Variants in VNN1 observed in about 807,000 individuals in gnomAD.
VNN1 encodes the protein vanin 1.
Under a neutral mutation model 41.9 loss-of-function variants are expected in VNN1, and 29 were observed. The ratio of observed to expected loss-of-function variants is 0.69; its 90% CI spans 0.52 to 0.94. VNN1 has a LOEUF of 0.94. Ranked by LOEUF, VNN1 falls within the 40% of genes least tolerant of loss-of-function variation. The pLI is 0.00. For synonymous variants in VNN1, 233 were observed against 224.4 expected, an observed-to-expected ratio of 1.04 and a Z score of -0.34; for missense variants, 637 against 621.1, an observed-to-expected ratio of 1.03 and a Z score of -0.27.
At position 132,692,412 on chromosome 6, in the gene VNN1, A is replaced by G; in HGVS notation, c.999T>C (p.Phe333=). The part of the protein sequence containing the change: ...IEALSSGNKE[F]KGTVFFDEFT... ...ATTCATCGAAAAAGACAGTGCCTTT[A>G]AATTCCTTGTTTCCTGATGAGAGCG... Residue 333 remains phenylalanine (F), a synonymous_variant, in exon 5 of 7, where the codon TTT becomes TTC. Transcript: ENST00000367928. 6.2e-7 allele frequency: 1 copy of G among 1,614,190 alleles called. No individual in the cohort carries two copies. Among genetic ancestry groups the G allele is most frequent in the Non-Finnish European group, 8.5e-7 (1 of 1,180,028 alleles).
In VNN1 at chr6:132,694,166, C is replaced by T. The variant is rs753812052; in HGVS notation, c.358G>A (p.Val120Ile). Reference sequence around the variant, plus strand: ...GCCAGGCAGCTGAGTCTTTCTTGTACTGGGGTCTGGCCAAATCTGATACAT... The same window carrying T: ...GCCAGGCAGCTGAGTCTTTCTTGTATTGGGGTCTGGCCAAATCTGATACAT... Reference protein sequence around the residue: ...NNRNRFGQTPVQERLSCLAKN... With the variant: ...NNRNRFGQTPIQERLSCLAKN... Residue 120 changes from valine to isoleucine, a missense_variant, in exon 3 of 7, where the codon GTA becomes ATA. Physicochemically the swap from Val to Ile is conservative, Grantham distance 29 (BLOSUM62 3). Transcript: ENST00000367928. The T allele has an allele frequency of 6.2e-7, 1 of 1,606,110 alleles. No individual in the cohort carries two copies. The highest frequency in any genetic ancestry group is 8.5e-7 in the Non-Finnish European group (1 of 1,176,244).
chr6:132,692,955 A>T, intron 4 of VNN1, 69 bp downstream of exon 4: 1 of 1,481,852 alleles, frequency 6.7e-7, no homozygotes, highest in Non-Finnish European at 9.0e-7. Flanking sequence ...GTTAGCTAGA[A>T]AAACATGTTT....
At chr6:132,702,034 A>C (rs2038138377) in intron 2 of VNN1, among the ~76,000 whole-genome samples, 1 of 152,240 alleles carries the variant, frequency 6.6e-6, no homozygotes, top group Non-Finnish European at 1.5e-5. Flanking sequence ...CCAATGTGGG[A>C]TAAAGTTCTC....
At position 132,692,881 on chromosome 6, in the gene VNN1, T is replaced by C. The variant is rs955540604; in HGVS notation, c.826+143A>G. 3.8e-6 allele frequency: 4 copies of C among 1,040,396 alleles called. No homozygotes were observed. In the African/African-American group the frequency reaches 4.9e-5, roughly 13 times the overall value. The allele number at this position is 1,040,396 out of a possible 1,614,324, so 64.4% of individuals were successfully genotyped here. A position where few individuals can be genotyped will look rare whatever the true frequency, so the allele number is the denominator to read the frequency against. ...ACAATTTAGACTGAGATTGATTCTATAGCATATTAACAGCTAGATGTTCAA... is the reference window on the plus strand; with the variant it reads ...ACAATTTAGACTGAGATTGATTCTACAGCATATTAACAGCTAGATGTTCAA... On this transcript the variant is annotated intron_variant, in intron 4 of 6. Coordinates refer to ENST00000367928, the MANE Select transcript of VNN1 (RefSeq NM_004666.3).
In VNN1 at chr6:132,681,350, T is replaced by C. The variant is rs1281263635; in HGVS notation, c.*1790A>G. Among the ~76,000 whole-genome samples, 6 of 152,078 alleles carry C rather than the reference T, an allele frequency of 3.9e-5. No individual in the cohort carries two copies. The highest frequency in any genetic ancestry group is 1.4e-4 in the African/African-American group (6 of 41,398). Reference sequence around the variant, plus strand: ...GCCGTGAGTGAGCTGAGAAGCAGATTTTCTCCAGCCCCACCCGAGCCTTGA... The same window carrying C: ...GCCGTGAGTGAGCTGAGAAGCAGATCTTCTCCAGCCCCACCCGAGCCTTGA... On this transcript the variant is annotated 3_prime_UTR_variant, in exon 7 of 7. Transcript: ENST00000367928.
At chr6:132,683,396 T>C (rs1159417748) in intron 6 of VNN1, 74 bp from the exon 7 acceptor site, 1 of 1,433,406 alleles carries the variant, frequency 7.0e-7, no homozygotes, top group Non-Finnish European at 9.4e-7. Context: ...TAAAATTTAC[T>C]ATAACAGAAT....
intron 5 of VNN1, among the ~76,000 whole-genome samples, chr6:132,686,492 G>A (rs1415663126): frequency 6.6e-6 from 1 of 152,144 alleles, no homozygotes; most frequent in Non-Finnish European, 1.5e-5. Flanking sequence ...TGGAGATCCT[G>A]TATTTTTATT....
chr6:132,687,438 C>G (rs1255168282), intron 5 of VNN1, among the ~76,000 whole-genome samples: 1 of 152,068 alleles, frequency 6.6e-6, no homozygotes, highest in African/African-American at 2.4e-5. Context: ...ACAGGAAATC[C>G]ACACAGGGAA....
At position 132,694,063 on chromosome 6, in the gene VNN1, G is replaced by A. The variant is rs771856246; in HGVS notation, c.461C>T (p.Pro154Leu). The change falls in exon 3 of 7, where the codon CCT becomes CTT. Residue 154 changes from proline (P) to leucine (L), a missense_variant. Transcript: ENST00000367928. ...PCDTSDPQCP[P>L]DGRYQYNTDV... ...AGTGTTGTATTGGTAACGGCCATCA[G>A]GGGGACACTGAGGATCACTGGTATC... 5 of 1,614,140 alleles carry A rather than the reference G, an allele frequency of 3.1e-6. No homozygotes were observed. Among genetic ancestry groups the A allele is most frequent in the Non-Finnish European group, 4.2e-6 (5 of 1,180,006 alleles).
rs76950453 is a variant in VNN1, at chr6:132,683,633, A to G, written c.1360-311T>C. Among the ~76,000 whole-genome samples, 442 of 152,324 alleles carry G rather than the reference A, an allele frequency of 2.9e-3. 5 individuals carry two copies. Among genetic ancestry groups the G allele is most frequent in the African/African-American group, 0.01 (423 of 41,566 alleles). Reference sequence around the variant, plus strand: ...AAGAGAAACCTAGTCCTCTCAGACAAGATAAAGACTCCCCACAATGGCCCG... The same window carrying G: ...AAGAGAAACCTAGTCCTCTCAGACAGGATAAAGACTCCCCACAATGGCCCG... On this transcript the variant is annotated intron_variant, in intron 6 of 6. Coordinates refer to ENST00000367928, the MANE Select transcript of VNN1 (RefSeq NM_004666.3).
chr6:132,688,747 A>G (rs186724034), intron 5 of VNN1, among the ~76,000 whole-genome samples: 92 of 152,322 alleles, frequency 6.0e-4, no homozygotes, highest in South Asian at 1.7e-3. Flanking sequence ...ATATGGTAAT[A>G]ATTTTATGGC....
rs1221003665 is a variant in VNN1 at position 132,682,265 on chromosome 6, C to G, written c.*875G>C. On this transcript the variant is annotated 3_prime_UTR_variant, in exon 7 of 7. Coordinates refer to ENST00000367928, the MANE Select transcript of VNN1 (RefSeq NM_004666.3). ...CAGCTGAATATTCTTACCAGGTAAG[C>G]CTTTTGTTGAAGCTTCAGATTACAG... 6.6e-6 allele frequency: 1 copy of G among 152,132 alleles called. No individual in the cohort carries two copies. The highest frequency in any genetic ancestry group is 1.5e-5 in the Non-Finnish European group (1 of 68,054). 9.4% of individuals were successfully genotyped at this position (152,132 alleles called of 1,614,324 possible).
In VNN1 at chr6:132,687,815, AAGTC is replaced by A. The variant is rs147073229; in HGVS notation, c.1189-3314_1189-3311del. ...TTGGAAGATATGGGGTTTTAACAAAAAGTCAAAGAAAATTAACGAAATTTAAAAA... is the reference window on the plus strand; with the variant it reads ...TTGGAAGATATGGGGTTTTAACAAAAAAAGAAAATTAACGAAATTTAAAAA... On this transcript the variant is annotated intron_variant, in intron 5 of 6. Transcript: ENST00000367928. Among the ~76,000 whole-genome samples the A allele has an allele frequency of 4.1e-3, 628 of 152,324 alleles. 8 individuals carry two copies. Among genetic ancestry groups the A allele is most frequent in the African/African-American group, 0.014 (577 of 41,572 alleles).
At chr6:132,713,232 T>C (rs1209816324) in intron 1 of VNN1, among the ~76,000 whole-genome samples, 1 of 152,204 alleles carries the variant, frequency 6.6e-6, no homozygotes, top group South Asian at 2.1e-4. Flanking sequence ...ACCTAATCGA[T>C]CAATAGCTTT....
At chr6:132,705,036 T>C (rs1778500096) in intron 2 of VNN1, among the ~76,000 whole-genome samples, 1 of 151,534 alleles carries the variant, frequency 6.6e-6, no homozygotes, top group Non-Finnish European at 1.5e-5. Flanking sequence ...GAAGCTGTAA[T>C]AAAAGATCTC....
chr6:132,712,745 G>C (rs907199849), intron 1 of VNN1, among the ~76,000 whole-genome samples: 8 of 152,136 alleles, frequency 5.3e-5, no homozygotes, highest in Admixed American at 3.9e-4. Context: ...CAATTAGAGA[G>C]TCACCTTAAA....
intron 5 of VNN1, among the ~76,000 whole-genome samples, chr6:132,688,693 A>C (rs1778238625): frequency 6.6e-6 from 1 of 152,204 alleles, no homozygotes; most frequent in Non-Finnish European, 1.5e-5. Context: ...ATACCATATG[A>C]ATGTCACATA....
chr6:132,704,747 A>C (rs1166644883), intron 2 of VNN1, among the ~76,000 whole-genome samples: 1 of 138,360 alleles, frequency 7.2e-6, no homozygotes, highest in East Asian at 2.4e-4. Context: ...AAAACATCCA[A>C]AAAAAACTAA....
chr6:132,689,156 G>C (rs1315401791), intron 5 of VNN1, among the ~76,000 whole-genome samples: 2 of 152,130 alleles, frequency 1.3e-5, no homozygotes, highest in African/African-American at 4.8e-5. Context: ...AAAGTGCTGG[G>C]ATTACAGGCC....
Sources: gnomAD v4.1 joint callset for allele counts (sites outside exome capture counted in the v4.1 genomes callset) on GRCh38, gnomAD v4.1.1 for gene constraint, MANE v1.5 for transcripts, NCBI Gene and HGNC (gene_info 2026-07-23, HGNC 2026-07-21) for gene names.